RIMS2: variants seen among roughly 807,000 people sequenced by gnomAD.
The protein encoded by RIMS2 is regulating synaptic membrane exocytosis protein 2.
In RIMS2, 59 loss-of-function variants were observed where a neutral mutation model predicts 174.4. That is an observed-to-expected ratio of 0.34 (90% CI 0.27 to 0.42). The LOEUF (loss-of-function observed/expected upper bound fraction) is 0.42. RIMS2 is among the 10% of genes least tolerant of loss of function. The pLI is 1.00. For missense variants in RIMS2, 1,620 were observed against 1,666.3 expected, an observed-to-expected ratio of 0.97 and a Z score of 0.48; for synonymous variants, 606 against 572.5, an observed-to-expected ratio of 1.06 and a Z score of -0.84.
At chr8:104,123,492 A>G (rs1269372411) in intron 19 of RIMS2, among the ~76,000 whole-genome samples, 1 of 152,018 alleles carries the variant, frequency 6.6e-6, no homozygotes, top group East Asian at 1.9e-4. Context: ...TTTACACTAA[A>G]TTTTTGATTA....
chr8:104,149,167 T>C (rs1245861390), intron 19 of RIMS2, among the ~76,000 whole-genome samples: 1 of 152,194 alleles, frequency 6.6e-6, no homozygotes, highest in African/African-American at 2.4e-5. Flanking sequence ...GGGGGATATT[T>C]GCTTTTCTTT....
At chr8:103,531,008 A>C (rs1378813295) in intron 1 of RIMS2, among the ~76,000 whole-genome samples, 1 of 150,842 alleles carries the variant, frequency 6.6e-6, no homozygotes, top group Admixed American at 6.6e-5. Context: ...GCAGAATTTA[A>C]AGGTAAATAC....
chr8:103,752,842 A>T (rs1358900988), intron 2 of RIMS2, among the ~76,000 whole-genome samples: 1 of 152,124 alleles, frequency 6.6e-6, no homozygotes, highest in Admixed American at 6.6e-5. Context: ...GGCTGAGACA[A>T]TGGGGGTTTT....
chr8:103,923,679 A>T (rs140939083), intron 10 of RIMS2, among the ~76,000 whole-genome samples: 356 of 151,800 alleles, frequency 2.3e-3, no homozygotes, highest in African/African-American at 8.1e-3. Flanking sequence ...TTCCACTATG[A>T]TATTAGTAGT....
downstream of RIMS2, chr8:104,254,831 G>C (rs980343176): frequency 6.6e-6 from 1 of 152,210 alleles, no homozygotes; most frequent in Non-Finnish European, 1.5e-5. Flanking sequence ...TGCAGCATAT[G>C]TGTTTCTGCT....
At chr8:104,059,393 T>G (rs1309524326) in intron 19 of RIMS2, among the ~76,000 whole-genome samples, 2 of 151,444 alleles carry the variant, frequency 1.3e-5, no homozygotes, top group East Asian at 3.9e-4. Context: ...TGCGTAAGAA[T>G]GCTTGTGATT....
chr8:103,982,536 A>G (rs759209436), intron 16 of RIMS2, among the ~76,000 whole-genome samples: 5 of 151,942 alleles, frequency 3.3e-5, no homozygotes, highest in Non-Finnish European at 7.4e-5. Flanking sequence ...ACAATACATT[A>G]AAAAGGTCGT....
At chr8:103,918,596 A>G in intron 9 of RIMS2, 109 bp downstream of exon 12, 1 of 821,650 alleles carries the variant, frequency 1.2e-6, no homozygotes, top group Non-Finnish European at 2.1e-6. Flanking sequence ...TAACCTTGTT[A>G]TCAAGTCTGT....
intron 19 of RIMS2, among the ~76,000 whole-genome samples, chr8:104,205,070 G>C (rs527563730): frequency 1.2e-4 from 18 of 152,160 alleles, no homozygotes; most frequent in Admixed American, 1.3e-4. Context: ...GTGAGAGACA[G>C]AGTTTACCTT....
intron 19 of RIMS2, among the ~76,000 whole-genome samples, chr8:104,178,771 G>A (rs1437782915): frequency 6.6e-6 from 1 of 151,388 alleles, no homozygotes; most frequent in South Asian, 2.1e-4. Context: ...TTTCTACTAC[G>A]CTTCAGGGAA....
intron 19 of RIMS2, among the ~76,000 whole-genome samples, chr8:104,149,910 T>C (rs1426901941): frequency 6.6e-6 from 1 of 152,174 alleles, no homozygotes; most frequent in East Asian, 1.9e-4. Context: ...TAACTAAAGA[T>C]ATTTAAAGTG....
intron 1 of RIMS2, among the ~76,000 whole-genome samples, chr8:103,540,322 C>T (rs1319742527): frequency 6.6e-6 from 1 of 152,236 alleles, no homozygotes; most frequent in Non-Finnish European, 1.5e-5. Context: ...GCAGTCATCA[C>T]CACTGAAGAC....
intron 19 of RIMS2, among the ~76,000 whole-genome samples, chr8:104,206,810 G>A (rs1054824075): frequency 1.3e-5 from 2 of 152,188 alleles, no homozygotes; most frequent in African/African-American, 4.8e-5. Flanking sequence ...TTTGGAATAT[G>A]TCCCAAGGAG....
At chr8:104,192,278 CTGATA>C (rs1354114950) in intron 19 of RIMS2, among the ~76,000 whole-genome samples, 2 of 151,936 alleles carry the variant, frequency 1.3e-5, no homozygotes, top group Non-Finnish European at 2.9e-5. Context: ...CTTTGTGAAA[CTGATA>C]GGTAGAGTGC....
intron 3 of RIMS2, among the ~76,000 whole-genome samples, chr8:103,803,111 T>C (rs1276084592): frequency 6.6e-6 from 1 of 152,114 alleles, no homozygotes; most frequent in Non-Finnish European, 1.5e-5. Context: ...CCCTATTTTA[T>C]CTACTAAGGA....
intron 2 of RIMS2, among the ~76,000 whole-genome samples, chr8:103,758,741 A>G (rs974040389): frequency 1.3e-5 from 2 of 152,214 alleles, no homozygotes; most frequent in African/African-American, 2.4e-5. Context: ...CTATTGAAAG[A>G]CATGTCTGCT....
In RIMS2 at chr8:104,109,040, G is replaced by A. The variant is rs140185733; in HGVS notation, c.3334+94425G>A. On this transcript the variant is annotated intron_variant, in intron 19 of 23. Coordinates refer to ENST00000504942, the Ensembl canonical transcript of RIMS2. ...TTTAGTATAAGAAATAATGCTGCCT[G>A]TAATCCCAGCACTTTGGGAGGCCGA... Among the ~76,000 whole-genome samples, 75 of 152,206 alleles carry A rather than the reference G, an allele frequency of 4.9e-4. 1 individual carries two copies. The highest frequency in any genetic ancestry group is 1.7e-3 in the African/African-American group (71 of 41,544).
intron 19 of RIMS2, among the ~76,000 whole-genome samples, chr8:104,060,834 A>G (rs1271055644): frequency 1.3e-5 from 2 of 152,254 alleles, no homozygotes; most frequent in East Asian, 3.9e-4. Flanking sequence ...TGTACCCAGT[A>G]GTCATTCAGG....
intron 2 of RIMS2, among the ~76,000 whole-genome samples, chr8:103,735,020 G>A (rs569950327): frequency 5.3e-5 from 8 of 152,192 alleles, no homozygotes; most frequent in South Asian, 4.1e-4. Flanking sequence ...ATTCCCCTGC[G>A]TCTGGGGTTG....
Sources: gnomAD v4.1 joint callset for allele counts (sites outside exome capture counted in the v4.1 genomes callset) on GRCh38, gnomAD v4.1.1 for gene constraint, MANE v1.5 for transcripts, NCBI Gene and HGNC (gene_info 2026-07-23, HGNC 2026-07-21) for gene names.